Variants in YES1 observed in about 807,000 individuals in gnomAD.
YES1 encodes the protein YES proto-oncogene 1, Src family tyrosine kinase, also known as tyrosine-protein kinase Yes.
YES1 carries 39 observed loss-of-function variants against 70.4 expected under a neutral mutation model. The observed-to-expected ratio is 0.55, with a 90% confidence interval of 0.43 to 0.72. The LOEUF (loss-of-function observed/expected upper bound fraction) is 0.72. YES1 is among the 30% of genes least tolerant of loss of function. The pLI is 0.00. For synonymous variants in YES1, 198 were observed against 218.6 expected, an observed-to-expected ratio of 0.91 and a Z score of 0.83; for missense variants, 495 against 644.8, an observed-to-expected ratio of 0.77 and a Z score of 2.52.
intron 11 of YES1, among the ~76,000 whole-genome samples, chr18:731,937 A>T (rs866184836): frequency 7.3e-6 from 1 of 136,214 alleles, no homozygotes; most frequent in Non-Finnish European, 1.5e-5. Flanking sequence ...ACTGCACTCC[A>T]GCCTGGGCGA....
At chr18:757,902 G>GA (rs1394876494) in intron 1 of YES1, among the ~76,000 whole-genome samples, 13 of 150,906 alleles carry the variant, frequency 8.6e-5, no homozygotes, top group East Asian at 5.8e-4. Flanking sequence ...AAACAAAATA[G>GA]AAAAAAAAGA....
intron 1 of YES1, among the ~76,000 whole-genome samples, chr18:780,994 G>C (rs1000033153): frequency 6.6e-6 from 1 of 152,032 alleles, no homozygotes; most frequent in Non-Finnish European, 1.5e-5. Context: ...CTTGGCCAGG[G>C]GCGGTGGCTC....
chr18:769,461 G>A (rs537490569), intron 1 of YES1, among the ~76,000 whole-genome samples: 5 of 152,078 alleles, frequency 3.3e-5, no homozygotes, highest in Non-Finnish European at 7.4e-5. Flanking sequence ...GTGCAATGTC[G>A]AACACAAGTG....
chr18:798,027 T>C (rs1245033607), intron 1 of YES1: 1 of 152,180 alleles, frequency 6.6e-6, no homozygotes, highest in African/African-American at 2.4e-5. Context: ...CTACTACAAA[T>C]TCTGCATTTG....
At chr18:732,595 G>A (rs897004091) in intron 11 of YES1, among the ~76,000 whole-genome samples, 2 of 152,104 alleles carry the variant, frequency 1.3e-5, no homozygotes, top group Non-Finnish European at 2.9e-5. Context: ...AAGCTGAGGT[G>A]AATGTGGGGC....
intron 10 of YES1, 86 bp downstream of exon 10, chr18:736,722 T>C: frequency 6.6e-7 from 1 of 1,504,592 alleles, no homozygotes; most frequent in Non-Finnish European, 8.9e-7. Flanking sequence ...GCTAAAACAA[T>C]TCTTATTCTG....
intron 1 of YES1, among the ~76,000 whole-genome samples, chr18:783,513 A>G (rs1485937987): frequency 6.6e-6 from 1 of 152,178 alleles, no homozygotes; most frequent in Non-Finnish European, 1.5e-5. Context: ...GAATTGGAAA[A>G]ACCAGGAGAA....
At chr18:793,979 T>C (rs1433779548) in intron 1 of YES1, among the ~76,000 whole-genome samples, 2 of 152,150 alleles carry the variant, frequency 1.3e-5, no homozygotes, top group Non-Finnish European at 2.9e-5. Context: ...CTACTAAACT[T>C]GGAGTAAGAG....
chr18:756,469 T>A (rs577796234), intron 2 of YES1, 88 bp downstream of exon 2: 1 of 1,487,728 alleles, frequency 6.7e-7, no homozygotes, highest in Non-Finnish European at 9.1e-7. Flanking sequence ...AAGTAAGATA[T>A]CTTTCTTAAA....
At position 723,358 on chromosome 18, in the gene YES1, C is replaced by T. The variant is rs901545746; in HGVS notation, c.*1066G>A. On this transcript the variant is annotated 3_prime_UTR_variant, in exon 12 of 12. Transcript: ENST00000314574. ...GTCACTCCATGACATCAACATTAAA[C>T]ATTACCTTCCATCCCTCTAACTTGT... 7 of 152,440 alleles carry T rather than the reference C, an allele frequency of 4.6e-5. No individual in the cohort carries two copies. The highest frequency in any genetic ancestry group is 1.7e-4 in the African/African-American group (7 of 41,348). 9.4% of individuals were successfully genotyped at this position (152,440 alleles called of 1,614,324 possible).
At chr18:781,513 T>C (rs9957772) in intron 1 of YES1, among the ~76,000 whole-genome samples, 50,434 of 151,956 alleles carry the variant, frequency 0.33, 8,761 homozygotes, top group African/African-American at 0.41. Flanking sequence ...CCCCACACCA[T>C]TTATGACACT....
intron 1 of YES1, among the ~76,000 whole-genome samples, chr18:761,221 C>T (rs1904576428): frequency 6.7e-6 from 1 of 149,726 alleles, no homozygotes; most frequent in Non-Finnish European, 1.5e-5. Flanking sequence ...CTGTCAGGGC[C>T]AAGCACTGTT....
intron 1 of YES1, among the ~76,000 whole-genome samples, chr18:796,731 G>C (rs975113947): frequency 3.3e-5 from 5 of 152,056 alleles, no homozygotes; most frequent in Admixed American, 1.3e-4. Context: ...GCACTGGCCT[G>C]GGTGACAGAG....
chr18:786,496 TACACACACACACACAC>T (rs56410052), intron 1 of YES1, among the ~76,000 whole-genome samples: 17 of 139,436 alleles, frequency 1.2e-4, no homozygotes, highest in Admixed American at 2.2e-4. Context: ...AATAAGTCCA[TACACACACACACACAC>T]ACACACACAC....
In YES1 at chr18:729,077, T is replaced by A. The variant is rs536069586; in HGVS notation, c.1423+3757A>T. Among the ~76,000 whole-genome samples the A allele has an allele frequency of 3.0e-4, 45 of 152,322 alleles. 1 individual carries two copies. Among genetic ancestry groups the A allele is most frequent in the African/African-American group, 1.0e-3 (43 of 41,574 alleles). Reference sequence around the variant, plus strand: ...CTTCTGCTTCTGGGACTCCACAAATTAGACCTTTTCACTATGCCCCACTGG... The same window carrying A: ...CTTCTGCTTCTGGGACTCCACAAATAAGACCTTTTCACTATGCCCCACTGG... On this transcript the variant is annotated intron_variant, in intron 11 of 11. Coordinates refer to ENST00000314574, the MANE Select transcript of YES1 (RefSeq NM_005433.4).
chr18:791,288 G>C (rs1053913756), intron 1 of YES1, among the ~76,000 whole-genome samples: 3 of 151,346 alleles, frequency 2.0e-5, no homozygotes, highest in African/African-American at 7.3e-5. Flanking sequence ...AGTCTAGAAA[G>C]TAGAGATGCA....
intron 1 of YES1, among the ~76,000 whole-genome samples, chr18:793,190 C>A (rs546039917): frequency 6.6e-6 from 1 of 152,114 alleles, no homozygotes; most frequent in Admixed American, 6.5e-5. Context: ...CAGGCGCATG[C>A]CACCATGCCC....
intron 1 of YES1, among the ~76,000 whole-genome samples, chr18:791,955 G>T (rs1461245551): frequency 6.6e-6 from 1 of 151,808 alleles, no homozygotes; most frequent in Admixed American, 6.6e-5. Context: ...CTCGAAATCG[G>T]GTGTGTATTT....
Position 723,613 on chromosome 18 carries a change from A to G in YES1, c.*811T>C, listed in dbSNP as rs964887684. Reference sequence around the variant, plus strand: ...CTTTGCATGCTATCTAAAGATCAAAACATTTCCCCTTTGATTGGACAGTAG... The same window carrying G: ...CTTTGCATGCTATCTAAAGATCAAAGCATTTCCCCTTTGATTGGACAGTAG... On this transcript the variant is annotated 3_prime_UTR_variant, in exon 12 of 12. Transcript: ENST00000314574. 6 of 152,642 alleles carry G rather than the reference A, an allele frequency of 3.9e-5. 1 individual carries two copies. Among genetic ancestry groups the G allele is most frequent in the Admixed American group, 3.9e-4 (6 of 15,270 alleles). 9.5% of individuals were successfully genotyped at this position (152,642 alleles called of 1,614,324 possible).
Sources: gnomAD v4.1 joint callset for allele counts (sites outside exome capture counted in the v4.1 genomes callset) on GRCh38, gnomAD v4.1.1 for gene constraint, MANE v1.5 for transcripts, NCBI Gene and HGNC (gene_info 2026-07-23, HGNC 2026-07-21) for gene names.